Variants in NOX4 observed in about 807,000 individuals in gnomAD.
NOX4 encodes the protein kidney oxidase-1.
In NOX4, 69 loss-of-function variants were observed where a neutral mutation model predicts 87.6. The observed-to-expected ratio is 0.79, with a 90% confidence interval of 0.65 to 0.96. NOX4 has a LOEUF of 0.96. Ranked by LOEUF, NOX4 falls within the 40% of genes least tolerant of loss-of-function variation. The pLI, the probability that NOX4 is intolerant of heterozygous loss-of-function variation, is 0.00. For missense variants in NOX4, 680 were observed against 681.5 expected, an observed-to-expected ratio of 1.00 and a Z score of 0.02; for synonymous variants, 275 against 238.2, an observed-to-expected ratio of 1.15 and a Z score of -1.42.
At chr11:89,382,409 A>C (rs1940354797) in intron 11 of NOX4, among the ~76,000 whole-genome samples, 1 of 151,950 alleles carries the variant, frequency 6.6e-6, no homozygotes, top group South Asian at 2.1e-4. Context: ...TCTCCATTGT[A>C]CAAGATCTAG....
At chr11:89,555,800 A>T in the NOX4 span, among the ~76,000 whole-genome samples, 1 of 152,182 alleles carries the variant, frequency 6.6e-6, no homozygotes, top group Non-Finnish European at 1.5e-5. Flanking sequence ...GAGAGAGCCG[A>T]TATGTATTAT....
At chr11:89,491,169 G>T in intron 1 of NOX4, 21 bp downstream of exon 1, 1 of 1,611,492 alleles carries the variant, frequency 6.2e-7, no homozygotes, top group East Asian at 2.2e-5. Flanking sequence ...AACGCAAGGA[G>T]AGCCTAGCCC....
At chr11:89,520,170 C>T in the NOX4 span, among the ~76,000 whole-genome samples, 1 of 151,660 alleles carries the variant, frequency 6.6e-6, no homozygotes, top group Non-Finnish European at 1.5e-5. Context: ...ATTGGGTACA[C>T]AATGAGACAT....
intron 4 of NOX4, among the ~76,000 whole-genome samples, 160 bp from the exon 5 acceptor site, chr11:89,444,392 A>T (rs1944591937): frequency 6.6e-6 from 1 of 151,966 alleles, no homozygotes; most frequent in African/African-American, 2.4e-5. Context: ...AGACACAAAA[A>T]ACTGAACTAT....
At chr11:89,455,554 G>A (rs1945155382) in intron 2 of NOX4, among the ~76,000 whole-genome samples, 1 of 151,870 alleles carries the variant, frequency 6.6e-6, no homozygotes, top group African/African-American at 2.4e-5. Flanking sequence ...CATTTTATTT[G>A]GTTACAACTC....
chr11:89,560,379 G>A, the NOX4 span, among the ~76,000 whole-genome samples: 2 of 152,096 alleles, frequency 1.3e-5, no homozygotes, highest in Admixed American at 6.6e-5. Context: ...CCCCAGAACT[G>A]TGAAACAAAC....
intron 2 of NOX4, among the ~76,000 whole-genome samples, chr11:89,485,097 G>A (rs1201439638): frequency 1.3e-5 from 2 of 152,020 alleles, no homozygotes; most frequent in Non-Finnish European, 2.9e-5. Context: ...TTCTGTCTCT[G>A]TAAAATGTTA....
the NOX4 span, among the ~76,000 whole-genome samples, chr11:89,588,738 AT>A: frequency 2.0e-5 from 3 of 152,122 alleles, no homozygotes; most frequent in Non-Finnish European, 2.9e-5. Context: ...GGGGAGCTGC[AT>A]TTTTGAGCCG....
the NOX4 span, among the ~76,000 whole-genome samples, chr11:89,517,034 A>G: frequency 6.6e-6 from 1 of 151,750 alleles, no homozygotes; most frequent in Non-Finnish European, 1.5e-5. Context: ...TAAGATGTTG[A>G]ATAATTATTT....
At chr11:89,490,431 C>T in intron 2 of NOX4, 27 bp downstream of exon 2, 1 of 1,483,220 alleles carries the variant, frequency 6.7e-7, no homozygotes. Context: ...CCCATTCCAC[C>T]AGATTATCCA....
At chr11:89,351,916 C>A (rs370353298) in intron 13 of NOX4, among the ~76,000 whole-genome samples, 9 of 152,306 alleles carry the variant, frequency 5.9e-5, no homozygotes, top group African/African-American at 2.2e-4. Context: ...TAATCAAATA[C>A]TGTTCAGGAA....
intron 12 of NOX4, among the ~76,000 whole-genome samples, chr11:89,360,244 T>A (rs79086715): frequency 0.063 from 9,630 of 152,030 alleles, 1,023 homozygotes; most frequent in African/African-American, 0.22. Flanking sequence ...AGAAAGGAGA[T>A]ACCAAAGGAC....
At chr11:89,564,004 C>T in the NOX4 span, among the ~76,000 whole-genome samples, 1 of 152,050 alleles carries the variant, frequency 6.6e-6, no homozygotes, top group Non-Finnish European at 1.5e-5. Flanking sequence ...GTTTACTGAA[C>T]AGTAGCCTTG....
At chr11:89,584,438 T>A in the NOX4 span, among the ~76,000 whole-genome samples, 1 of 152,186 alleles carries the variant, frequency 6.6e-6, no homozygotes, top group African/African-American at 2.4e-5. Flanking sequence ...TTTTACTTTT[T>A]TACTCTGTCA....
chr11:89,362,114 T>C lies in NOX4; in HGVS notation c.1136-7071A>G, dbSNP rs73533538. On this transcript the variant is annotated intron_variant, in intron 12 of 17. Transcript: ENST00000263317. ...CTTCCTTCCCCCAAACCCTCTTTGT[T>C]CTCTTTCCTGTCATGGGTATTGATC... Among the ~76,000 whole-genome samples, 872 of 152,046 alleles carry C rather than the reference T, an allele frequency of 5.7e-3. 12 individuals carry two copies. Among genetic ancestry groups the C allele is most frequent in the African/African-American group, 0.02 (831 of 41,490 alleles).
chr11:89,391,623 G>T (rs756015106), intron 11 of NOX4, among the ~76,000 whole-genome samples: 1 of 151,394 alleles, frequency 6.6e-6, no homozygotes, highest in Non-Finnish European at 1.5e-5. Context: ...GCCAGGCATG[G>T]TGCCATGTGC....
At chr11:89,343,966 A>G (rs185834543) in intron 13 of NOX4, among the ~76,000 whole-genome samples, 4 of 152,096 alleles carry the variant, frequency 2.6e-5, no homozygotes, top group African/African-American at 2.4e-5. Context: ...ATTTATTTAC[A>G]TTTAAAAAAA....
intron 2 of NOX4, among the ~76,000 whole-genome samples, chr11:89,461,501 CG>C (rs1481597268): frequency 6.6e-6 from 1 of 151,298 alleles, no homozygotes; most frequent in Non-Finnish European, 1.5e-5. Context: ...AAAAATTGAC[CG>C]GGTGTGGTGA....
At chr11:89,507,183 A>AAAAAAGATTGAGGAATCGTTTAGT in the NOX4 span, among the ~76,000 whole-genome samples, 7 of 152,016 alleles carry the variant, frequency 4.6e-5, no homozygotes, top group African/African-American at 1.7e-4. Context: ...GAGGGATTAC[A>AAAAAAGATTGAGGAATCGTTTAGT]AAAAAGATTG....
Sources: gnomAD v4.1 joint callset for allele counts (sites outside exome capture counted in the v4.1 genomes callset) on GRCh38, gnomAD v4.1.1 for gene constraint, MANE v1.5 for transcripts, NCBI Gene and HGNC (gene_info 2026-07-23, HGNC 2026-07-21) for gene names.